The following PSKH1 variants were observed in gnomAD, a reference collection of about 807,000 sequenced individuals.
The protein encoded by PSKH1 is serine/threonine-protein kinase H1.
Under a neutral mutation model 26.7 loss-of-function variants are expected in PSKH1, and 12 were observed. The ratio of observed to expected loss-of-function variants is 0.45; its 90% CI spans 0.29 to 0.73. PSKH1 has a LOEUF of 0.73. Ranked by LOEUF, PSKH1 falls within the 30% of genes least tolerant of loss-of-function variation. The pLI is 0.11. For missense variants in PSKH1, 431 were observed against 595.2 expected (o/e 0.72, Z 2.87); for synonymous variants, 213 against 234.3 (o/e 0.91, Z 0.83).
rs1002378801 is a variant in PSKH1, at chr16:67,927,172, G to A, written c.958-153G>A. Among the ~76,000 whole-genome samples the A allele has an allele frequency of 6.6e-6, 1 of 152,228 alleles. No individual in the cohort carries two copies. The highest frequency in any genetic ancestry group is 2.4e-5 in the African/African-American group (1 of 41,458). On this transcript the variant is annotated intron_variant, in intron 2 of 2. Coordinates refer to ENST00000291041, the MANE Select transcript of PSKH1 (RefSeq NM_006742.3). This position sits in a 1 kb window ranked among gnomAD's most constrained non-coding sequence, Gnocchi z 5.5. ...CTGGAGAGCAGCCCTTGTTCAGCCT[G>A]AGCCAGCGTTGGGCGGGGAGGCCCC... is the stretch of plus-strand genomic sequence containing the variant.
intron 1 of PSKH1, 122 bp downstream of exon 1, chr16:67,893,493 C>G (rs1370767427): frequency 2.0e-5 from 3 of 152,324 alleles, no homozygotes; most frequent in Non-Finnish European, 4.4e-5. Flanking sequence ...CGGCCCGTGC[C>G]CCGTGCGCCA....
At chr16:67,923,745 G>A (rs2058209252) in intron 2 of PSKH1, among the ~76,000 whole-genome samples, 1 of 152,236 alleles carries the variant, frequency 6.6e-6, no homozygotes, top group Admixed American at 6.5e-5. Context: ...GTATACTGAG[G>A]CACGAGTTCA....
chr16:67,906,371 C>CT (rs55856995), intron 1 of PSKH1, among the ~76,000 whole-genome samples: 16,961 of 136,458 alleles, frequency 0.12, 1,052 homozygotes, highest in South Asian at 0.19. Flanking sequence ...CGCGCCCAGC[C>CT]TTTTTTTTTT....
Position 67,902,182 on chromosome 16 carries a change from C to T in PSKH1, c.-70-6498C>T, listed in dbSNP as rs145489936. On this transcript the variant is annotated intron_variant, in intron 1 of 2. Transcript: ENST00000291041. Reference sequence around the variant, plus strand: ...GGCTGAGGCACGAGAATTGTTTGAACCTGGGAAGTGGAGGTTGCAGTGAGC... The same window carrying T: ...GGCTGAGGCACGAGAATTGTTTGAATCTGGGAAGTGGAGGTTGCAGTGAGC... 5.3e-4 allele frequency among the ~76,000 whole-genome samples: 80 copies of T among 151,962 alleles called. 1 individual carries two copies. The highest frequency in any genetic ancestry group is 1.9e-3 in the African/African-American group (78 of 41,418).
Position 67,909,880 on chromosome 16 carries a change from G to C in PSKH1, c.957+174G>C, listed in dbSNP as rs931042578. ...AATGTAGTTTGGGTTCCCTCAAGGT[G>C]AGCCCTGAGACAAGGACTTGGGAGC... is the stretch of plus-strand genomic sequence containing the variant. On this transcript the variant is annotated intron_variant, in intron 2 of 2. Coordinates refer to ENST00000291041, the MANE Select transcript of PSKH1 (RefSeq NM_006742.3). The surrounding 1 kb of genome is among the most constrained non-coding windows in gnomAD (Gnocchi z 7.8). 1.9e-5 allele frequency: 12 copies of C among 628,092 alleles called. No individual in the cohort carries two copies. The highest frequency in any genetic ancestry group is 2.8e-5 in the Non-Finnish European group (10 of 361,820). The allele number at this position is 628,092 out of a possible 1,614,324, so 38.9% of individuals were successfully genotyped here.
At chr16:67,918,781 G>A (rs1001547035) in intron 2 of PSKH1, among the ~76,000 whole-genome samples, 11 of 151,866 alleles carry the variant, frequency 7.2e-5, no homozygotes, top group Non-Finnish European at 1.5e-4. Context: ...TAGTAGAGAC[G>A]GGGTTTTACC....
Position 67,910,126 on chromosome 16 carries a change from C to T in PSKH1, c.957+420C>T, listed in dbSNP as rs1229831551. On this transcript the variant is annotated intron_variant, in intron 2 of 2. Transcript: ENST00000291041. ...TTTTGTTTTTTTTTTAATCCACTGA[C>T]TCCTGTACTTCATGGGTTGAGAATT... 10 of 334,666 alleles carry T rather than the reference C, an allele frequency of 3.0e-5. No individual in the cohort carries two copies. The Admixed American group carries it at 4.4e-4, about 15-fold the overall frequency. 20.7% of individuals were successfully genotyped at this position (334,666 alleles called of 1,614,324 possible).
chr16:67,908,922 A>T lies in PSKH1; in HGVS notation c.173A>T (p.Tyr58Phe). 2 of 1,614,090 alleles carry T rather than the reference A, an allele frequency of 1.2e-6. No homozygotes were observed. The highest frequency in any genetic ancestry group is 1.1e-5 in the South Asian group (1 of 91,074). ...VKAGFPAASQ[Y>F]AHPCPGPPTA... ...GCCGGGTTCCCAGCAGCAAGTCAGT[A>T]TGCACACCCCTGCCCCGGTCCCCCG... The change falls in exon 2 of 3, where the codon TAT becomes TTT. Residue 58 changes from tyrosine to phenylalanine, a missense_variant. Tyr to Phe is a conservative substitution (Grantham distance 22). Transcript: ENST00000291041.
intron 2 of PSKH1, among the ~76,000 whole-genome samples, chr16:67,922,735 C>A (rs1392704311): frequency 6.6e-6 from 1 of 152,232 alleles, no homozygotes; most frequent in East Asian, 1.9e-4. Context: ...GAAGGTAGAA[C>A]TAGAACTCAG....
At chr16:67,918,124 C>T (rs553428888) in intron 2 of PSKH1, among the ~76,000 whole-genome samples, 1 of 152,260 alleles carries the variant, frequency 6.6e-6, no homozygotes, top group Admixed American at 6.5e-5. Flanking sequence ...TCAGGGTCCT[C>T]CAATGCAGAG....
intron 1 of PSKH1, among the ~76,000 whole-genome samples, chr16:67,895,383 TGAA>T (rs1386728694): frequency 1.3e-5 from 2 of 151,554 alleles, no homozygotes; most frequent in Non-Finnish European, 2.9e-5. Flanking sequence ...GAGATTTTGA[TGAA>T]GAAGATCTGG....
At chr16:67,908,546 G>T in intron 1 of PSKH1, 134 bp from the exon 2 acceptor site, 1 of 525,022 alleles carries the variant, frequency 1.9e-6, no homozygotes, top group South Asian at 3.2e-5. Context: ...TGGGATTACA[G>T]GTGTGAGCCA....
At chr16:67,901,488 C>T (rs1339588077) in intron 1 of PSKH1, among the ~76,000 whole-genome samples, 3 of 152,072 alleles carry the variant, frequency 2.0e-5, no homozygotes, top group Non-Finnish European at 1.5e-5. Context: ...CATGCCACCA[C>T]GCCTGGCTAA....
At position 67,908,766 on chromosome 16, in the gene PSKH1, G is replaced by A. The variant is rs774585594; in HGVS notation, c.17G>A (p.Ser6Asn). MGCGT[S>N]KVLPEPPKDV... ...GTGTCCGTGATGGGCTGTGGGACAAGCAAGGTCCTTCCCGAGCCACCCAAG... is the reference window on the plus strand; with the variant it reads ...GTGTCCGTGATGGGCTGTGGGACAAACAAGGTCCTTCCCGAGCCACCCAAG... The change falls in exon 2 of 3, where the codon AGC becomes AAC. Residue 6 changes from serine to asparagine, a missense_variant. Coordinates refer to ENST00000291041, the MANE Select transcript of PSKH1 (RefSeq NM_006742.3). The A allele has an allele frequency of 6.3e-7, 1 of 1,590,912 alleles. No individual in the cohort carries two copies. Among genetic ancestry groups the A allele is most frequent in the Non-Finnish European group, 8.6e-7 (1 of 1,165,740 alleles).
chr16:67,896,560 G>A (rs1446519500), intron 1 of PSKH1, among the ~76,000 whole-genome samples: 8 of 17,506 alleles, frequency 4.6e-4, no homozygotes, highest in Non-Finnish European at 6.6e-4. Flanking sequence ...TTTTTTTTTT[G>A]AGACGGAGTT....
At chr16:67,926,807 C>T (rs1440078320) in intron 2 of PSKH1, among the ~76,000 whole-genome samples, 1 of 151,974 alleles carries the variant, frequency 6.6e-6, no homozygotes, top group Non-Finnish European at 1.5e-5. Context: ...TGTTTCCTTT[C>T]CTCCCCATGC....
rs536607088 is a variant in PSKH1 at position 67,927,037 on chromosome 16, G to C, written c.958-288G>C. ...GATACTCCTGGGACAAGTTCGGGGG[G>C]GTCTTGGCAGAGGCCATCTCCCTGA... is the stretch of plus-strand genomic sequence containing the variant. On this transcript the variant is annotated intron_variant, in intron 2 of 2. Coordinates refer to ENST00000291041, the MANE Select transcript of PSKH1 (RefSeq NM_006742.3). The surrounding 1 kb of genome is among the most constrained non-coding windows in gnomAD (Gnocchi z 5.5). Among the ~76,000 whole-genome samples, 1 of 152,270 alleles carries C rather than the reference G, an allele frequency of 6.6e-6. No homozygotes were observed. The highest frequency in any genetic ancestry group is 2.4e-5 in the African/African-American group (1 of 41,548).
At chr16:67,925,275 A>G (rs1233092805) in intron 2 of PSKH1, among the ~76,000 whole-genome samples, 1 of 151,188 alleles carries the variant, frequency 6.6e-6, no homozygotes, top group Non-Finnish European at 1.5e-5. Flanking sequence ...GGCTCACTGC[A>G]ACCTCCGCCT....
chr16:67,924,733 GCTTC>G (rs2058211642), intron 2 of PSKH1, among the ~76,000 whole-genome samples: 1 of 152,222 alleles, frequency 6.6e-6, no homozygotes, highest in African/African-American at 2.4e-5. Context: ...GCTGCAGCCT[GCTTC>G]CTAGTGAGTC....
Sources: gnomAD v4.1 joint callset for allele counts (sites outside exome capture counted in the v4.1 genomes callset) on GRCh38, gnomAD v4.1.1 for gene constraint, Gnocchi (gnomAD v3.1) non-coding constraint, MANE v1.5 for transcripts, NCBI Gene and HGNC (gene_info 2026-07-23, HGNC 2026-07-21) for gene names.